PCCA: variants seen among roughly 807,000 people sequenced by gnomAD.
PCCA encodes the protein propionyl-CoA carboxylase subunit alpha, also known as propionyl-CoA carboxylase alpha chain, mitochondrial.
In PCCA, 74 loss-of-function variants were observed where a neutral mutation model predicts 101.3. That is an observed-to-expected ratio of 0.73 (90% CI 0.61 to 0.89). The LOEUF (loss-of-function observed/expected upper bound fraction) is 0.89, where lower values mean the gene tolerates loss of function less well. Among genes scored for constraint, PCCA ranks in the 40% least tolerant of loss-of-function variants. PCCA has a pLI of 0.00. For synonymous variants in PCCA, 294 were observed against 313.6 expected (o/e 0.94, Z 0.66); for missense variants, 891 against 907.0 (o/e 0.98, Z 0.23).
chr13:100,355,401 G>A (rs1365963481), intron 18 of PCCA, among the ~76,000 whole-genome samples: 1 of 152,056 alleles, frequency 6.6e-6, no homozygotes, highest in East Asian at 1.9e-4. Flanking sequence ...CAGATGACAT[G>A]ATTTTAGATG....
intron 4 of PCCA, among the ~76,000 whole-genome samples, chr13:100,120,964 A>G (rs1480449802): frequency 6.6e-6 from 1 of 152,066 alleles, no homozygotes; most frequent in South Asian, 2.1e-4. Flanking sequence ...TATTTAGGTC[A>G]CTTGGATTTC....
At chr13:100,270,722 G>A (rs2063254425) in intron 11 of PCCA, among the ~76,000 whole-genome samples, 1 of 152,092 alleles carries the variant, frequency 6.6e-6, no homozygotes, top group South Asian at 2.1e-4. Context: ...CCTGGAGTAA[G>A]AATCGGCTGG....
chr13:100,386,574 G>A (rs527466776), intron 19 of PCCA, among the ~76,000 whole-genome samples: 3 of 152,138 alleles, frequency 2.0e-5, no homozygotes, highest in African/African-American at 7.2e-5. Context: ...GTACAGACGT[G>A]GTTTCACTGT....
At chr13:100,293,145 A>G (rs910621450) in intron 12 of PCCA, 3 of 463,608 alleles carry the variant, frequency 6.5e-6, no homozygotes, top group Non-Finnish European at 1.3e-5. Context: ...TCAGCTGTCC[A>G]TATCTTTGAG....
At chr13:100,257,523 T>C in intron 8 of PCCA, 72 bp from the exon 9 acceptor site, 2 of 1,000,668 alleles carry the variant, frequency 2.0e-6, no homozygotes, top group Admixed American at 3.7e-5. Context: ...ATTGAACATG[T>C]GGTCAATTGT....
At chr13:100,135,547 A>G (rs1181130318) in intron 4 of PCCA, among the ~76,000 whole-genome samples, 2 of 152,202 alleles carry the variant, frequency 1.3e-5, no homozygotes, top group East Asian at 3.8e-4. Context: ...CATTAGTTCT[A>G]GGAGTATTTT....
intron 21 of PCCA, among the ~76,000 whole-genome samples, chr13:100,453,352 T>G (rs1030099143): frequency 2.6e-5 from 4 of 151,598 alleles, no homozygotes; most frequent in Non-Finnish European, 4.4e-5. Flanking sequence ...AATACAAAAA[T>G]TAGCCAGGCA....
At chr13:100,133,015 G>T (rs1305797664) in intron 4 of PCCA, among the ~76,000 whole-genome samples, 1 of 152,046 alleles carries the variant, frequency 6.6e-6, no homozygotes, top group South Asian at 2.1e-4. Flanking sequence ...TCCTGACCTC[G>T]TGATTCACCT....
intron 19 of PCCA, among the ~76,000 whole-genome samples, chr13:100,403,652 C>T (rs2077500970): frequency 6.6e-6 from 1 of 152,044 alleles, no homozygotes; most frequent in African/African-American, 2.4e-5. Context: ...GTTCTTTGTC[C>T]CATGGCCATG....
intron 17 of PCCA, among the ~76,000 whole-genome samples, chr13:100,335,579 T>C (rs1015413035): frequency 6.6e-6 from 1 of 152,186 alleles, no homozygotes; most frequent in Non-Finnish European, 1.5e-5. Context: ...ATCACTTCCC[T>C]CACTCTTCAG....
chr13:100,176,764 AG>A (rs1305261417), intron 6 of PCCA, among the ~76,000 whole-genome samples: 1 of 152,232 alleles, frequency 6.6e-6, no homozygotes, highest in Non-Finnish European at 1.5e-5. Flanking sequence ...TCTTTATATT[AG>A]TTTTTTTAAT....
chr13:100,168,326 C>G (rs1415801086), intron 6 of PCCA, among the ~76,000 whole-genome samples: 1 of 152,124 alleles, frequency 6.6e-6, no homozygotes, highest in African/African-American at 2.4e-5. Context: ...TCCACACATC[C>G]CAATTATAAA....
intron 5 of PCCA, among the ~76,000 whole-genome samples, chr13:100,156,587 GTGAGGATAGTATAAAGTAGT>G (rs1419355372): frequency 6.6e-6 from 1 of 152,194 alleles, no homozygotes; most frequent in African/African-American, 2.4e-5. Context: ...TGGCTTGTGG[GTGAGGATAGTATAAAGTAGT>G]TGTGGATGGC....
chr13:100,485,219 T>C (rs1395804863), intron 21 of PCCA, among the ~76,000 whole-genome samples: 1 of 152,186 alleles, frequency 6.6e-6, no homozygotes, highest in Non-Finnish European at 1.5e-5. Flanking sequence ...GGTGCATGGA[T>C]TGGGCCTGTG....
intron 6 of PCCA, among the ~76,000 whole-genome samples, chr13:100,178,892 A>C (rs2056495397): frequency 6.6e-6 from 1 of 151,760 alleles, no homozygotes; most frequent in Non-Finnish European, 1.5e-5. Context: ...CTTGGCTAAC[A>C]CTGTGAAACC....
intron 12 of PCCA, among the ~76,000 whole-genome samples, chr13:100,284,587 G>A (rs2064436439): frequency 6.6e-6 from 1 of 152,200 alleles, no homozygotes; most frequent in Non-Finnish European, 1.5e-5. Flanking sequence ...AAAACTGAAC[G>A]GTCAGTGGAG....
intron 19 of PCCA, among the ~76,000 whole-genome samples, chr13:100,409,627 A>G (rs1236416181): frequency 6.6e-6 from 1 of 152,110 alleles, no homozygotes; most frequent in Admixed American, 6.5e-5. Flanking sequence ...CCGCCTGGCT[A>G]TCTCACCATG....
At chr13:100,333,565 C>T (rs2069966055) in intron 17 of PCCA, among the ~76,000 whole-genome samples, 1 of 152,174 alleles carries the variant, frequency 6.6e-6, no homozygotes, top group Admixed American at 6.5e-5. Flanking sequence ...TTCTTGTCAT[C>T]TCTTTAGATG....
At chr13:100,152,736 G>A (rs1429878059) in intron 4 of PCCA, among the ~76,000 whole-genome samples, 3 of 152,118 alleles carry the variant, frequency 2.0e-5, no homozygotes, top group East Asian at 1.9e-4. Context: ...ATGAGCCACC[G>A]CGCCCGGCCT....
Sources: allele counts gnomAD v4.1 joint callset (sites outside exome capture counted in the v4.1 genomes callset), GRCh38; gene constraint gnomAD v4.1.1; transcripts MANE v1.5; gene names NCBI Gene and HGNC (gene_info 2026-07-23, HGNC 2026-07-21).